ATP13A4: variants seen among roughly 807,000 people sequenced by gnomAD.
ATP13A4 encodes the protein probable cation-transporting ATPase 13A4.
In ATP13A4, 114 loss-of-function variants were observed where a neutral mutation model predicts 142.5. That is an observed-to-expected ratio of 0.80 (90% CI 0.69 to 0.93). ATP13A4 has a LOEUF of 0.93. Among genes scored for constraint, ATP13A4 ranks in the 40% least tolerant of loss-of-function variants. The pLI, the probability that ATP13A4 is intolerant of heterozygous loss-of-function variation, is 0.00. For synonymous variants in ATP13A4, 488 were observed against 514.8 expected, an observed-to-expected ratio of 0.95 and a Z score of 0.70; for missense variants, 1,392 against 1,454.0, an observed-to-expected ratio of 0.96 and a Z score of 0.69.
chr3:193,487,894 G>A (rs1031006261), intron 7 of ATP13A4, among the ~76,000 whole-genome samples: 3 of 152,152 alleles, frequency 2.0e-5, no homozygotes, highest in Non-Finnish European at 4.4e-5. Flanking sequence ...ACATTGGACT[G>A]GTTAAAAATT....
chr3:193,523,954 C>A (rs1395615414), intron 1 of ATP13A4, among the ~76,000 whole-genome samples: 1 of 152,132 alleles, frequency 6.6e-6, no homozygotes, highest in Admixed American at 6.5e-5. Context: ...GTTTCTCTTT[C>A]TTGCTTCCTC....
rs78468651 is a variant in ATP13A4, at chr3:193,529,311, A to T, written c.61-14440T>A. 5.4e-3 allele frequency among the ~76,000 whole-genome samples: 828 copies of T among 152,018 alleles called. 14 individuals are homozygous for T. In the East Asian group the frequency reaches 0.071, roughly 13 times the overall value. ...GACTTGGCATTATTCTACTTCCTAA[A>T]CTAGATGGTTAATTAGTGTGTTCAA... is the stretch of plus-strand genomic sequence containing the variant. On this transcript the variant is annotated intron_variant, in intron 1 of 29. Transcript: ENST00000342695.
chr3:193,466,223 A>G (rs1718277944), intron 10 of ATP13A4, 41 bp from the exon 11 acceptor site: 2 of 1,611,582 alleles, frequency 1.2e-6, no homozygotes, highest in East Asian at 2.2e-5. Flanking sequence ...CAGGAGACCA[A>G]CGCTACTGCT....
At position 193,400,099 on chromosome 3, in the gene ATP13A4, TC is replaced by T. The variant is rs1222944623; in HGVS notation, c.*2552del. Among the ~76,000 whole-genome samples, 10 of 152,318 alleles carry T rather than the reference TC, an allele frequency of 6.6e-5. No homozygotes were observed. The highest frequency in any genetic ancestry group is 2.0e-4 in the Admixed American group (3 of 15,302). ...CCCCACTGTGATCTTTACCCATTTG[TC>T]CTGATTTTGCCTTCTCATGCCACCT... is the stretch of plus-strand genomic sequence containing the variant. On this transcript the variant is annotated 3_prime_UTR_variant, in exon 30 of 30. Transcript: ENST00000342695.
chr3:193,582,680 T>C (rs1358610082), intron 1 of ATP13A4, among the ~76,000 whole-genome samples: 4 of 67,526 alleles, frequency 5.9e-5, no homozygotes, highest in Non-Finnish European at 1.0e-4. Flanking sequence ...ATTACATATA[T>C]ATTATATATG....
intron 9 of ATP13A4, among the ~76,000 whole-genome samples, chr3:193,469,236 A>G (rs2108646309): frequency 6.6e-6 from 1 of 152,302 alleles, no homozygotes; most frequent in East Asian, 1.9e-4. Context: ...ATTTGGAGAG[A>G]GAGAATTATC....
chr3:193,567,899 C>A (rs938618424), intron 2 of ATP13A4, among the ~76,000 whole-genome samples: 11 of 152,184 alleles, frequency 7.2e-5, no homozygotes, highest in African/African-American at 2.7e-4. Context: ...AATAGACCTG[C>A]ATGGTTGTGC....
chr3:193,442,354 A>G (rs528056792), intron 19 of ATP13A4, 39 bp downstream of exon 19: 2 of 1,597,804 alleles, frequency 1.3e-6, no homozygotes, highest in Non-Finnish European at 1.7e-6. Flanking sequence ...ACTGCAAGAC[A>G]CATTGATAAT....
At chr3:193,578,337 CTA>C (rs754443188) in intron 2 of ATP13A4, among the ~76,000 whole-genome samples, 1 of 134,956 alleles carries the variant, frequency 7.4e-6, no homozygotes, top group African/African-American at 2.8e-5. Flanking sequence ...ATATCTATAT[CTA>C]TATCTATCTA....
intron 1 of ATP13A4, among the ~76,000 whole-genome samples, chr3:193,540,538 A>C (rs1440281775): frequency 9.9e-5 from 15 of 151,098 alleles, no homozygotes; most frequent in Admixed American, 6.6e-4. Context: ...AAAAAAAAAA[A>C]AAAAAAAAAA....
At position 193,402,688 on chromosome 3, in the gene ATP13A4, G is replaced by T; in HGVS notation, c.3555C>A (p.Ser1185Arg). The change falls in exon 30 of 30, where the codon AGC (serine) becomes AGA (arginine). Residue 1185 changes from serine to arginine, a missense_variant. Transcript: ENST00000342695. The stretch of plus-strand genomic sequence containing the variant: ...CTTCATTGCTCTCAAATACTGGATT[G>T]CTGTAAGACACTCCTCTGCCACACT... ...MPECGRGVSY[S>R]NPVFESNEEQ... is the part of the protein sequence containing the mutation. The T allele has an allele frequency of 8.6e-7, 1 of 1,156,986 alleles. No homozygotes were observed. The highest frequency in any genetic ancestry group is 1.3e-6 in the Non-Finnish European group (1 of 762,692). The allele number at this position is 1,156,986 out of a possible 1,614,324, so 71.7% of individuals were successfully genotyped here.
upstream of ATP13A4, chr3:193,555,009 G>A (rs1024955381): frequency 7.8e-7 from 1 of 1,278,586 alleles, no homozygotes; most frequent in African/African-American, 1.5e-5. Context: ...TCTGCTAGGA[G>A]GAATTGCTGG....
At position 193,458,927 on chromosome 3, in the gene ATP13A4, G is replaced by A. The variant is rs184400609; in HGVS notation, c.1674+154C>T. 1.4e-4 allele frequency: 135 copies of A among 980,084 alleles called. No individual in the cohort carries two copies. The African/African-American group carries it at 1.9e-3, about 14-fold the overall frequency. 60.7% of individuals were successfully genotyped at this position (980,084 alleles called of 1,614,324 possible). A position where few individuals can be genotyped will look rare whatever the true frequency, so the allele number is the denominator to read the frequency against. ...CTATTATTAGCTTCATTGCACAGATGAGGAAACCAGCCTTAGATTGGTTTG... is the reference window on the plus strand; with the variant it reads ...CTATTATTAGCTTCATTGCACAGATAAGGAAACCAGCCTTAGATTGGTTTG... On this transcript the variant is annotated intron_variant, in intron 14 of 29. Transcript: ENST00000342695.
chr3:193,527,539 G>C (rs1370265237), intron 1 of ATP13A4, among the ~76,000 whole-genome samples: 1 of 151,776 alleles, frequency 6.6e-6, no homozygotes, highest in Non-Finnish European at 1.5e-5. Context: ...TTGAGCCTAG[G>C]AGGCAGAGGC....
At chr3:193,579,912 T>C (rs1048614620) in intron 2 of ATP13A4, among the ~76,000 whole-genome samples, 1 of 152,222 alleles carries the variant, frequency 6.6e-6, no homozygotes, top group Non-Finnish European at 1.5e-5. Flanking sequence ...TATCATAACA[T>C]CATGGTAATA....
chr3:193,462,988 A>C (rs1718045707), intron 12 of ATP13A4, among the ~76,000 whole-genome samples, 165 bp from the exon 13 acceptor site: 1 of 152,100 alleles, frequency 6.6e-6, no homozygotes, highest in African/African-American at 2.4e-5. Context: ...CTATTTTAAA[A>C]AAAAAAAAAT....
intron 1 of ATP13A4, among the ~76,000 whole-genome samples, chr3:193,526,246 C>T (rs1446682212): frequency 1.3e-5 from 2 of 152,118 alleles, no homozygotes; most frequent in African/African-American, 2.4e-5. Context: ...GGCACATATA[C>T]ACCATGGAAT....
chr3:193,467,043 T>A (rs1340667709), intron 10 of ATP13A4, among the ~76,000 whole-genome samples: 2 of 152,132 alleles, frequency 1.3e-5, no homozygotes, highest in Admixed American at 6.5e-5. Context: ...TTAAAATGCA[T>A]AATTGGATTG....
At chr3:193,564,204 G>A (rs752375777) in intron 2 of ATP13A4, among the ~76,000 whole-genome samples, 1 of 152,228 alleles carries the variant, frequency 6.6e-6, no homozygotes, top group Non-Finnish European at 1.5e-5. Context: ...AGAAGCACTT[G>A]TGGCTGCCAT....
Sources: allele counts gnomAD v4.1 joint callset (sites outside exome capture counted in the v4.1 genomes callset), GRCh38; gene constraint gnomAD v4.1.1; transcripts MANE v1.5; gene names NCBI Gene and HGNC (gene_info 2026-07-23, HGNC 2026-07-21).